Variants in PLEK observed in about 807,000 individuals in gnomAD.
PLEK encodes platelet 47 kDa protein.
PLEK carries 25 observed loss-of-function variants against 43.9 expected under a neutral mutation model. That is an observed-to-expected ratio of 0.57 (90% CI 0.41 to 0.79). The LOEUF (loss-of-function observed/expected upper bound fraction) is 0.79. Ranked by LOEUF, PLEK falls within the 30% of genes least tolerant of loss-of-function variation. The pLI, the probability that PLEK is intolerant of heterozygous loss-of-function variation, is 0.00. For missense variants in PLEK, 396 were observed against 413.3 expected, an observed-to-expected ratio of 0.96 and a Z score of 0.36; for synonymous variants, 152 against 144.4, an observed-to-expected ratio of 1.05 and a Z score of -0.38.
In PLEK at chr2:68,392,590, T is replaced by A. The variant is rs527317345; in HGVS notation, c.763-572T>A. ...TCTTATTCATCAACACCTGAGTATG[T>A]CTCTTGCATTCCCACTTCTGCTCTT... is the stretch of plus-strand genomic sequence containing the variant. On this transcript the variant is annotated intron_variant, in intron 6 of 8. Coordinates refer to ENST00000234313, the MANE Select transcript of PLEK (RefSeq NM_002664.3). Among the ~76,000 whole-genome samples the A allele has an allele frequency of 3.0e-4, 46 of 152,316 alleles. No individual in the cohort carries two copies. The South Asian group carries it at 8.1e-3, about 27-fold the overall frequency.
At chr2:68,376,025 G>A (rs773237026) in intron 1 of PLEK, among the ~76,000 whole-genome samples, 1 of 152,172 alleles carries the variant, frequency 6.6e-6, no homozygotes, top group Non-Finnish European at 1.5e-5. Context: ...CTGCACACAA[G>A]GCTGCTGTCT....
In PLEK at chr2:68,380,715, A is replaced by G. The variant is rs113034468; in HGVS notation, c.199-8A>G. 10 of 1,611,974 alleles carry G rather than the reference A, an allele frequency of 6.2e-6. No individual in the cohort carries two copies. The highest frequency in any genetic ancestry group is 2.2e-5 in the East Asian group (1 of 44,852). On this transcript the variant is annotated splice_region_variant and splice_polypyrimidine_tract_variant and intron_variant, in intron 2 of 8. Transcript: ENST00000234313. ...GCCATTTCTAATGGGATGTGTTTTG[A>G]TTTTCAGTTTGTGTTTAAGATCACT...
In PLEK at chr2:68,380,356, T is replaced by C. The variant is rs1673588295; in HGVS notation, c.71T>C (p.Met24Thr). ...KGSVFNTWKP[M>T]WVVLLEDGIE... ...AGCGTGTTCAATACGTGGAAACCCA[T>C]GTGGGTTGTATTGTTAGAAGATGGA... Residue 24 changes from methionine (M) to threonine (T), a missense_variant, in exon 2 of 9, where the codon ATG becomes ACG. Coordinates refer to ENST00000234313, the MANE Select transcript of PLEK (RefSeq NM_002664.3). 5 of 1,613,372 alleles carry C rather than the reference T, an allele frequency of 3.1e-6. No homozygotes were observed. The highest frequency in any genetic ancestry group is 1.7e-5 in the Admixed American group (1 of 59,972).
Position 68,395,650 on chromosome 2 carries a change from C to T in PLEK, c.917-30C>T, listed in dbSNP as rs75275323. 4,587 of 1,613,142 alleles carry T rather than the reference C, an allele frequency of 2.8e-3. 103 individuals are homozygous for T. The African/African-American group carries it at 0.052, about 18-fold the overall frequency. On this transcript the variant is annotated intron_variant, in intron 8 of 8. Transcript: ENST00000234313. ...GCAAGTGGTCTTTCTGATGCCTGTGCGTGCTGCCATTTGCCTTCTCTTTCC... is the reference window on the plus strand; with the variant it reads ...GCAAGTGGTCTTTCTGATGCCTGTGTGTGCTGCCATTTGCCTTCTCTTTCC...
chr2:68,379,518 G>A (rs12713641), intron 1 of PLEK, among the ~76,000 whole-genome samples: 120,247 of 150,556 alleles, frequency 0.8, 48,696 homozygotes, highest in African/African-American at 0.92. Flanking sequence ...TTCAAAAAAA[G>A]AAAGAACTAT....
intron 8 of PLEK, 112 bp from the exon 9 acceptor site, chr2:68,395,568 C>A: frequency 3.6e-6 from 4 of 1,123,974 alleles, no homozygotes; most frequent in South Asian, 1.3e-5. Context: ...GCCACATAGT[C>A]AATTTCCTTA....
At chr2:68,381,662 G>A (rs1435577054) in intron 3 of PLEK, among the ~76,000 whole-genome samples, 1 of 152,182 alleles carries the variant, frequency 6.6e-6, no homozygotes, top group Non-Finnish European at 1.5e-5. Flanking sequence ...AGGGTGGGGT[G>A]GGGAGAAGCA....
intron 6 of PLEK, among the ~76,000 whole-genome samples, chr2:68,389,596 G>T (rs1673820253): frequency 6.6e-6 from 1 of 152,182 alleles, no homozygotes. Context: ...AGTTTCACAG[G>T]GGGAAGTGGG....
intron 4 of PLEK, among the ~76,000 whole-genome samples, chr2:68,385,558 C>G (rs546170698): frequency 5.3e-5 from 8 of 151,362 alleles, no homozygotes; most frequent in Admixed American, 4.6e-4. Flanking sequence ...CCACCCTTCA[C>G]CTCCCTCCTC....
At chr2:68,386,086 ATTTTATTTTTGT>A (rs1673736394) in intron 4 of PLEK, among the ~76,000 whole-genome samples, 1 of 150,858 alleles carries the variant, frequency 6.6e-6, no homozygotes, top group South Asian at 2.1e-4. Context: ...TTATTTTTTT[ATTTTATTTTTGT>A]TTTTATTTAT....
At position 68,395,772 on chromosome 2, in the gene PLEK, G is replaced by C; in HGVS notation, c.1009G>C (p.Glu337Gln). ...LQAATPKERT[E>Q]WIRAIQMASR... ...AGCAGCCACCCCCAAGGAGCGCACA[G>C]AGTGGATCAGAGCCATCCAGATGGC... The change falls in exon 9 of 9, where the codon GAG becomes CAG. Residue 337 changes from glutamate to glutamine, a missense_variant. Physicochemically the swap from Glu to Gln is conservative, Grantham distance 29. Coordinates refer to ENST00000234313, the MANE Select transcript of PLEK (RefSeq NM_002664.3). 1 of 1,613,830 alleles carries C rather than the reference G, an allele frequency of 6.2e-7. No individual in the cohort carries two copies. Among genetic ancestry groups the C allele is most frequent in the African/African-American group, 1.3e-5 (1 of 75,030 alleles).
intron 1 of PLEK, among the ~76,000 whole-genome samples, chr2:68,371,084 G>C (rs1406805649): frequency 1.3e-5 from 2 of 152,166 alleles, no homozygotes; most frequent in Non-Finnish European, 2.9e-5. Flanking sequence ...GGGACAGCAG[G>C]CACCTTGGAA....
In PLEK at chr2:68,393,244, G is replaced by A. The variant is rs143225942; in HGVS notation, c.845G>A (p.Gly282Glu). The A allele has an allele frequency of 1.3e-6, 2 of 1,589,602 alleles. No homozygotes were observed. The highest frequency in any genetic ancestry group is 1.7e-6 in the Non-Finnish European group (2 of 1,157,986). The change falls in exon 7 of 9, where the codon GGG (glycine) becomes GAG (glutamate). Residue 282 changes from glycine to glutamate, a missense_variant and splice_region_variant. Gly to Glu is a moderately conservative substitution (Grantham distance 98). Coordinates refer to ENST00000234313, the MANE Select transcript of PLEK (RefSeq NM_002664.3). ...TACCTGCACTACTATGACCCTGCTG[G>A]GGTAAGGTCCTGTGGTTCATAAATC... The part of the protein sequence containing the change: ...PAYLHYYDPA[G>E]AEDPLGAIHL...
intron 4 of PLEK, among the ~76,000 whole-genome samples, chr2:68,383,104 G>A (rs1673663355): frequency 6.6e-6 from 1 of 152,190 alleles, no homozygotes; most frequent in Non-Finnish European, 1.5e-5. Flanking sequence ...TTTAGAGCCA[G>A]ACCACCTTGG....
At chr2:68,395,606 G>C (rs1222113206) in intron 8 of PLEK, 74 bp from the exon 9 acceptor site, 1 of 1,505,986 alleles carries the variant, frequency 6.6e-7, no homozygotes, top group African/African-American at 1.4e-5. Context: ...AGATTTCATG[G>C]CTTGCAGAGG....
At position 68,380,891 on chromosome 2, in the gene PLEK, A is replaced by C. The variant is rs746345097; in HGVS notation, c.367A>C (p.Thr123Pro). The change falls in exon 3 of 9, where the codon ACC becomes CCC. Residue 123 changes from threonine to proline, a missense_variant. Coordinates refer to ENST00000234313, the MANE Select transcript of PLEK (RefSeq NM_002664.3). ...CAGGAGGTCCATTCGACTGCCAGAA[A>C]CCATTGACTTAGGGTGATTTTCTGT... is the stretch of plus-strand genomic sequence containing the variant. ...STRRSIRLPE[T>P]IDLGALYLSM... The C allele has an allele frequency of 9.9e-6, 16 of 1,613,448 alleles. No individual in the cohort carries two copies. Among genetic ancestry groups the C allele is most frequent in the Non-Finnish European group, 1.4e-5 (16 of 1,179,596 alleles).
At chr2:68,365,736 G>A (rs1345750395) in intron 1 of PLEK, among the ~76,000 whole-genome samples, 1 of 152,142 alleles carries the variant, frequency 6.6e-6, no homozygotes, top group Non-Finnish European at 1.5e-5. Context: ...TTCTATGGAG[G>A]TTTCTTGGAG....
chr2:68,388,616 G>A, intron 6 of PLEK, 125 bp downstream of exon 6: 2 of 585,982 alleles, frequency 3.4e-6, no homozygotes, highest in Admixed American at 2.6e-5. Context: ...CCCACAAAGT[G>A]AAAGATAGAT....
At chr2:68,378,340 A>G (rs1673545641) in intron 1 of PLEK, among the ~76,000 whole-genome samples, 1 of 152,194 alleles carries the variant, frequency 6.6e-6, no homozygotes, top group Non-Finnish European at 1.5e-5. Context: ...TATCCTAAAT[A>G]CTTCAAGCAT....
Sources: gnomAD v4.1 joint callset for allele counts (sites outside exome capture counted in the v4.1 genomes callset) on GRCh38, gnomAD v4.1.1 for gene constraint, MANE v1.5 for transcripts, NCBI Gene and HGNC (gene_info 2026-07-23, HGNC 2026-07-21) for gene names.